CYP4X1: variants seen among roughly 807,000 people sequenced by gnomAD.
The protein encoded by CYP4X1 is cytochrome P450 family 4 subfamily X member 1, also known as cytochrome P450 4X1.
CYP4X1 carries 44 observed loss-of-function variants against 57.9 expected under a neutral mutation model. That is an observed-to-expected ratio of 0.76 (90% CI 0.60 to 0.98). The LOEUF (loss-of-function observed/expected upper bound fraction) is 0.98. Ranked by LOEUF, CYP4X1 falls within the 50% of genes least tolerant of loss-of-function variation. The pLI, the probability that CYP4X1 is intolerant of heterozygous loss-of-function variation, is 0.00. For missense variants in CYP4X1, 532 were observed against 623.9 expected, an observed-to-expected ratio of 0.85 and a Z score of 1.57; for synonymous variants, 227 against 228.6, an observed-to-expected ratio of 0.99 and a Z score of 0.06.
At chr1:47,002,071 G>T in the CYP4X1 span, among the ~76,000 whole-genome samples, 1 of 152,240 alleles carries the variant, frequency 6.6e-6, no homozygotes. Context: ...GACAGTGCCA[G>T]GGACAGGGAC....
the CYP4X1 span, among the ~76,000 whole-genome samples, chr1:46,985,997 A>G: frequency 2.6e-5 from 4 of 152,216 alleles, no homozygotes; most frequent in Non-Finnish European, 5.9e-5. Context: ...CCAGCAAGGG[A>G]ACAAAACTGG....
rs560078689 is a variant in CYP4X1 at position 47,023,976 on chromosome 1, G to A, written c.159G>A (p.Trp53Ter). 4.3e-5 allele frequency: 69 copies of A among 1,612,590 alleles called. No individual in the cohort carries two copies. The South Asian group carries it at 6.9e-4, about 16-fold the overall frequency. ...CCTTCCCAGCGCCCCCCACCCACTG[G>A]TTCCTTGGGCACCAGAAGGTAGATG... ...LRPFPAPPTH[W>*]FLGHQKFIQD... The change falls in exon 1 of 12, where the codon TGG (tryptophan) becomes TGA (stop). Residue 53 changes from tryptophan (W) to a stop codon, truncating the protein, a stop_gained. Coordinates refer to ENST00000371901, the MANE Select transcript of CYP4X1 (RefSeq NM_178033.2). LOFTEE classifies it high-confidence loss of function.
chr1:47,054,036 G>A (rs1244879875), downstream of CYP4X1, among the ~76,000 whole-genome samples: 1 of 151,662 alleles, frequency 6.6e-6, no homozygotes, highest in East Asian at 2.0e-4. Flanking sequence ...TTCTTCTAGG[G>A]TTTTTATGGT....
the CYP4X1 span, among the ~76,000 whole-genome samples, chr1:46,975,108 T>A: frequency 6.6e-6 from 1 of 152,260 alleles, no homozygotes. Context: ...TATGATTGAG[T>A]TATTATTGCC....
At chr1:46,992,540 A>C in the CYP4X1 span, among the ~76,000 whole-genome samples, 1 of 152,170 alleles carries the variant, frequency 6.6e-6, no homozygotes, top group Non-Finnish European at 1.5e-5. Context: ...TTCACTTAGC[A>C]TACTGTTCTC....
At chr1:47,000,692 T>G in the CYP4X1 span, among the ~76,000 whole-genome samples, 1 of 151,694 alleles carries the variant, frequency 6.6e-6, no homozygotes, top group African/African-American at 2.4e-5. Context: ...TGGGTGGGGA[T>G]TCAGGGATGC....
At chr1:47,005,148 G>C in the CYP4X1 span, among the ~76,000 whole-genome samples, 1 of 152,160 alleles carries the variant, frequency 6.6e-6, no homozygotes, top group Non-Finnish European at 1.5e-5. Flanking sequence ...TCTCCAAAGG[G>C]GATGCACTCA....
At chr1:46,971,841 G>A in the CYP4X1 span, among the ~76,000 whole-genome samples, 72 of 152,156 alleles carry the variant, frequency 4.7e-4, no homozygotes, top group African/African-American at 1.7e-3. Context: ...TTAGACCTCT[G>A]TCAAATGCAT....
At position 47,050,286 on chromosome 1, in the gene CYP4X1, G is replaced by T; in HGVS notation, c.*112G>T. 1 of 1,225,532 alleles carries T rather than the reference G, an allele frequency of 8.2e-7. No individual in the cohort carries two copies. Among genetic ancestry groups the T allele is most frequent in the Non-Finnish European group, 1.2e-6 (1 of 865,544 alleles). The allele number at this position is 1,225,532 out of a possible 1,614,324, so 75.9% of individuals were successfully genotyped here. On this transcript the variant is annotated 3_prime_UTR_variant, in exon 12 of 12. Coordinates refer to ENST00000371901, the MANE Select transcript of CYP4X1 (RefSeq NM_178033.2). ...TATGGTGGGAGGATTGGAGGTTGGT[G>T]GGATAGGGGTCTCTGTGAAGAGATC...
At chr1:47,049,398 G>A in intron 10 of CYP4X1, 24 bp from the exon 11 acceptor site, 1 of 1,597,470 alleles carries the variant, frequency 6.3e-7, no homozygotes, top group South Asian at 1.1e-5. Context: ...GGGGGATGGT[G>A]TTGGGGTTGT....
the CYP4X1 span, among the ~76,000 whole-genome samples, chr1:46,977,430 G>C: frequency 6.6e-6 from 1 of 151,944 alleles, no homozygotes; most frequent in Non-Finnish European, 1.5e-5. Context: ...TAGAGAAAAA[G>C]GAGTAAAAAG....
the CYP4X1 span, among the ~76,000 whole-genome samples, chr1:46,968,079 A>G: frequency 6.6e-6 from 1 of 152,096 alleles, no homozygotes; most frequent in Non-Finnish European, 1.5e-5. Context: ...AGGGACTAGG[A>G]TCCTTAGGAA....
intron 6 of CYP4X1, among the ~76,000 whole-genome samples, chr1:47,038,179 C>G (rs1489119359): frequency 1.3e-5 from 2 of 152,080 alleles, no homozygotes; most frequent in East Asian, 3.8e-4. Context: ...ATGTAACAAA[C>G]CTGTACATGT....
chr1:46,973,284 ATAGTGATATAT>A, the CYP4X1 span, among the ~76,000 whole-genome samples: 3 of 152,154 alleles, frequency 2.0e-5, no homozygotes, highest in African/African-American at 7.2e-5. Flanking sequence ...AGCCTACTCG[ATAGTGATATAT>A]TAGCTTTTGG....
intron 1 of CYP4X1, among the ~76,000 whole-genome samples, chr1:47,029,637 T>G (rs1348073876): frequency 6.6e-6 from 1 of 152,126 alleles, no homozygotes; most frequent in African/African-American, 2.4e-5. Context: ...AAATACTTCT[T>G]TTTAGCTTCC....
In CYP4X1 at chr1:47,040,937, T is replaced by C. The variant is rs147454901; in HGVS notation, c.1073+1405T>C. Among the ~76,000 whole-genome samples, 41 of 152,252 alleles carry C rather than the reference T, an allele frequency of 2.7e-4. No individual in the cohort carries two copies. In the East Asian group the frequency reaches 7.7e-3, roughly 29 times the overall value. ...GAAATTTTGTATCCTTTGACTAACA[T>C]CCCTGTAATCCCCCATTCTCCCACA... On this transcript the variant is annotated intron_variant, in intron 8 of 11. Coordinates refer to ENST00000371901, the MANE Select transcript of CYP4X1 (RefSeq NM_178033.2).
intron 9 of CYP4X1, among the ~76,000 whole-genome samples, chr1:47,047,623 A>G (rs958458874): frequency 2.6e-5 from 4 of 152,122 alleles, no homozygotes; most frequent in Non-Finnish European, 5.9e-5. Flanking sequence ...TCCTCTCAAG[A>G]CAGAGTCTTG....
the CYP4X1 span, among the ~76,000 whole-genome samples, chr1:46,995,615 C>T: frequency 7.4e-4 from 113 of 152,296 alleles, no homozygotes; most frequent in Middle Eastern, 3.4e-3. Context: ...AAAAATTCCT[C>T]GGAAGTTTTA....
the CYP4X1 span, among the ~76,000 whole-genome samples, chr1:46,989,443 A>G: frequency 1.3e-5 from 2 of 152,374 alleles, no homozygotes; most frequent in Admixed American, 1.3e-4. Flanking sequence ...CATGGATAGG[A>G]AGAATCAATA....
Sources: allele counts gnomAD v4.1 joint callset (sites outside exome capture counted in the v4.1 genomes callset), GRCh38; gene constraint gnomAD v4.1.1; transcripts MANE v1.5; gene names NCBI Gene and HGNC (gene_info 2026-07-23, HGNC 2026-07-21).